The following SCAP variants were observed in gnomAD, a reference collection of about 807,000 sequenced individuals.
SCAP encodes the protein SREBF chaperone, also known as sterol regulatory element-binding protein cleavage-activating protein.
Under a neutral mutation model 123.6 loss-of-function variants are expected in SCAP, and 65 were observed. That is an observed-to-expected ratio of 0.53 (90% CI 0.43 to 0.65). SCAP has a LOEUF of 0.65. Among genes scored for constraint, SCAP ranks in the 30% least tolerant of loss-of-function variants. The pLI is 0.00. For synonymous variants in SCAP, 740 were observed against 726.3 expected, an observed-to-expected ratio of 1.02 and a Z score of -0.30; for missense variants, 1,398 against 1,712.5, an observed-to-expected ratio of 0.82 and a Z score of 3.24.
At chr3:47,441,383 G>A (rs940048750) in intron 2 of SCAP, among the ~76,000 whole-genome samples, 1 of 152,060 alleles carries the variant, frequency 6.6e-6, no homozygotes, top group Non-Finnish European at 1.5e-5. Flanking sequence ...TGGGAGGGTC[G>A]CTTGAGCCTA....
chr3:47,423,084 C>T (rs1705976966), intron 9 of SCAP, among the ~76,000 whole-genome samples: 1 of 152,226 alleles, frequency 6.6e-6, no homozygotes, highest in South Asian at 2.1e-4. Flanking sequence ...CTCTTCCTAA[C>T]TCCATATCCA....
At chr3:47,468,258 T>C (rs1707907228) in intron 1 of SCAP, among the ~76,000 whole-genome samples, 1 of 152,194 alleles carries the variant, frequency 6.6e-6, no homozygotes, top group African/African-American at 2.4e-5. Context: ...CTGGGTCAAA[T>C]GGTATTTCTA....
intron 16 of SCAP, 136 bp downstream of exon 16, chr3:47,417,990 AGGGGGTGC>A (rs1705700101): frequency 2.1e-5 from 8 of 375,172 alleles, no homozygotes; most frequent in East Asian, 6.4e-5. Context: ...GGGTGGTGGG[AGGGGGTGC>A]GGGGGTGGGG....
chr3:47,416,177 A>C (rs1389623074), intron 18 of SCAP, among the ~76,000 whole-genome samples: 1 of 152,202 alleles, frequency 6.6e-6, no homozygotes. Flanking sequence ...TTGGAGGAGG[A>C]GCCAGTGTGG....
chr3:47,425,338 G>A, intron 8 of SCAP, 147 bp downstream of exon 8: 1 of 834,026 alleles, frequency 1.2e-6, no homozygotes, highest in Non-Finnish European at 1.8e-6. Context: ...CAAAGAAGAG[G>A]AAGAAAATGT....
intron 16 of SCAP, 134 bp downstream of exon 16, chr3:47,417,990 AGGGGGTGCGG>A: frequency 2.7e-6 from 1 of 375,166 alleles, no homozygotes; most frequent in South Asian, 1.9e-5. Flanking sequence ...GGGTGGTGGG[AGGGGGTGCGG>A]GGGTGGGGGG....
chr3:47,420,718 G>A lies in SCAP; in HGVS notation c.1399C>T (p.Pro467Ser), dbSNP rs764200831. 1 of 1,611,344 alleles carries A rather than the reference G, an allele frequency of 6.2e-7. No homozygotes were observed. The highest frequency in any genetic ancestry group is 8.5e-7 in the Non-Finnish European group (1 of 1,179,952). The change falls in exon 12 of 23, where the codon CCA (proline) becomes TCA (serine). Residue 467 changes from proline to serine, a missense_variant. Transcript: ENST00000265565. The surrounding 1 kb of genome is among the most constrained non-coding windows in gnomAD (Gnocchi z 5.0). ...PPEACLPSAK[P>S]VGQPTRYERQ... is the part of the protein sequence containing the mutation. ...TCGTAGCGCGTTGGCTGTCCCACTG[G>A]CTTGGCTGAGGGCAGGCAGGCCTCA... is the stretch of plus-strand genomic sequence containing the variant.
Position 47,423,727 on chromosome 3 carries a change from C to G in SCAP, c.1150+206G>C, listed in dbSNP as rs569059762. 4.6e-5 allele frequency among the ~76,000 whole-genome samples: 7 copies of G among 152,330 alleles called. No individual in the cohort carries two copies. The South Asian group carries it at 1.4e-3, about 32-fold the overall frequency. On this transcript the variant is annotated intron_variant, in intron 9 of 22. Coordinates refer to ENST00000265565, the MANE Select transcript of SCAP (RefSeq NM_012235.4). ...TTTCTTACTGACACATGAACCAGGA[C>G]GAAGTACAGTCCAATGGCCCCATGG...
chr3:47,449,345 TA>T (rs375750126), intron 1 of SCAP, among the ~76,000 whole-genome samples: 1 of 123,938 alleles, frequency 8.1e-6, no homozygotes, highest in African/African-American at 2.8e-5. Flanking sequence ...GTCAGGGGTT[TA>T]ATTTCCCTAA....
chr3:47,444,450 C>T (rs542024204), intron 1 of SCAP, among the ~76,000 whole-genome samples: 3 of 152,294 alleles, frequency 2.0e-5, no homozygotes. Context: ...AAGCGTTAAG[C>T]GCACATGCAA....
At chr3:47,423,788 C>T (rs1350880279) in intron 9 of SCAP, 145 bp downstream of exon 9, 1 of 647,012 alleles carries the variant, frequency 1.5e-6, no homozygotes, top group East Asian at 2.7e-5. Context: ...TGCCAGGGCC[C>T]AGTGGCCCAC....
rs750731829 is a variant in SCAP, at chr3:47,417,578, G to C, written c.2696C>G (p.Ala899Gly). Residue 899 changes from alanine (A) to glycine (G), a missense_variant, in exon 17 of 23, where the codon GCG (alanine) becomes GGG (glycine). Ala to Gly is a moderately conservative substitution (Grantham distance 60). This residue lies in a region of SCAP where 828 missense variants were observed against 882.5 expected (regional missense o/e 0.94). Coordinates refer to ENST00000265565, the MANE Select transcript of SCAP (RefSeq NM_012235.4). ...QPTQPEPRHR[A>G]VCGRSRDSPG... ...GGAGTCCCGAGAGCGGCCACAGACC[G>C]CCCGGTGCCGGGGCTCGGGCTGAGT... The C allele has an allele frequency of 6.3e-7, 1 of 1,591,752 alleles. No individual in the cohort carries two copies. Among genetic ancestry groups the C allele is most frequent in the Non-Finnish European group, 8.5e-7 (1 of 1,170,676 alleles).
chr3:47,427,327 C>T (rs2107824572), intron 5 of SCAP, 65 bp from the exon 6 acceptor site: 9 of 1,533,430 alleles, frequency 5.9e-6, no homozygotes, highest in Middle Eastern at 3.5e-4. Flanking sequence ...ACCAAGGACC[C>T]CTTTCTCACC....
intron 2 of SCAP, among the ~76,000 whole-genome samples, chr3:47,440,963 G>A (rs552853627): frequency 2.8e-4 from 42 of 151,636 alleles, no homozygotes; most frequent in East Asian, 2.0e-3. Flanking sequence ...GTGCAGTGGC[G>A]CGATCTCAGC....
In SCAP at chr3:47,425,582, C is replaced by T. The variant is rs1425230499; in HGVS notation, c.940G>A (p.Gly314Arg). 4 of 1,613,992 alleles carry T rather than the reference C, an allele frequency of 2.5e-6. No individual in the cohort carries two copies. Among genetic ancestry groups the T allele is most frequent in the Non-Finnish European group, 8.5e-7 (1 of 1,180,050 alleles). Residue 314 changes from glycine to arginine, a missense_variant, in exon 8 of 23, where the codon GGG becomes AGG. Coordinates refer to ENST00000265565, the MANE Select transcript of SCAP (RefSeq NM_012235.4). ...GTGACCACGGCAGCCAGGGCCAGCCCCCACTTGGACTTGACCATGTCGATC... is the reference window on the plus strand; with the variant it reads ...GTGACCACGGCAGCCAGGGCCAGCCTCCACTTGGACTTGACCATGTCGATC... ...RKIDMVKSKW[G>R]LALAAVVTVL...
rs1468831947 is a variant in SCAP at position 47,417,134 on chromosome 3, A to G, written c.3044T>C (p.Phe1015Ser). Residue 1015 changes from phenylalanine to serine, a missense_variant, in exon 18 of 23, where the codon TTC becomes TCC. This residue lies in a region of SCAP where 828 missense variants were observed against 882.5 expected (regional missense o/e 0.94). Coordinates refer to ENST00000265565, the MANE Select transcript of SCAP (RefSeq NM_012235.4). ...EVSSGITALVFLDKRIVAARL... is the reference protein window; with the variant it reads ...EVSSGITALVSLDKRIVAARL... ...AGGCCACGCTCACCTTTTGTCCAAG[A>G]ACACCAGAGCGGTAATGCCTGAGGA... 1.2e-6 allele frequency: 2 copies of G among 1,613,070 alleles called. No individual in the cohort carries two copies. Among genetic ancestry groups the G allele is most frequent in the African/African-American group, 1.3e-5 (1 of 75,054 alleles).
At chr3:47,432,713 T>C (rs1706416502) in intron 3 of SCAP, among the ~76,000 whole-genome samples, 1 of 152,218 alleles carries the variant, frequency 6.6e-6, no homozygotes, top group Non-Finnish European at 1.5e-5. Flanking sequence ...GGTCTCACTC[T>C]ATTGCCCCAG....
At chr3:47,416,690 G>GA (rs1478646942) in intron 18 of SCAP, among the ~76,000 whole-genome samples, 1 of 132,290 alleles carries the variant, frequency 7.6e-6, no homozygotes, top group Non-Finnish European at 1.5e-5. Context: ...GCAGTGGCGG[G>GA]ATCTCGGCTC....
At chr3:47,467,795 A>G (rs62248598) in intron 1 of SCAP, among the ~76,000 whole-genome samples, 3,126 of 152,162 alleles carry the variant, frequency 0.021, 43 homozygotes, top group Non-Finnish European at 0.034. Flanking sequence ...TTACATATGC[A>G]TACATGTGCC....
Sources: gnomAD v4.1 joint callset for allele counts (sites outside exome capture counted in the v4.1 genomes callset) on GRCh38, gnomAD v4.1.1 for gene constraint, gnomAD v4.1.1 regional missense constraint, Gnocchi (gnomAD v3.1) non-coding constraint, MANE v1.5 for transcripts, NCBI Gene and HGNC (gene_info 2026-07-23, HGNC 2026-07-21) for gene names.